PRKG1: variants seen among roughly 807,000 people sequenced by gnomAD.
PRKG1 encodes the protein cGMP-dependent protein kinase 1.
In PRKG1, 35 loss-of-function variants were observed where a neutral mutation model predicts 88.1. The observed-to-expected ratio is 0.40, with a 90% CI of 0.30 to 0.53. The LOEUF (loss-of-function observed/expected upper bound fraction) is 0.53. PRKG1 is among the 20% of genes least tolerant of loss of function. The pLI, the probability that PRKG1 is intolerant of heterozygous loss-of-function variation, is 0.59. For synonymous variants in PRKG1, 303 were observed against 292.5 expected (o/e 1.04, Z -0.37); for missense variants, 540 against 839.8 (o/e 0.64, Z 4.41).
At chr10:51,036,856 T>A (rs1666167007) in intron 1 of PRKG1, among the ~76,000 whole-genome samples, 1 of 152,210 alleles carries the variant, frequency 6.6e-6, no homozygotes. Flanking sequence ...GGGATGTTTC[T>A]AAATTATTGC....
chr10:51,967,418 GGGGAT>G (rs910900210), intron 5 of PRKG1, among the ~76,000 whole-genome samples: 1 of 152,028 alleles, frequency 6.6e-6, no homozygotes, highest in Non-Finnish European at 1.5e-5. Flanking sequence ...TTGTGGGGTG[GGGGAT>G]GGGGGAGGGA....
At chr10:51,185,142 C>T (rs1360476272) in intron 2 of PRKG1, among the ~76,000 whole-genome samples, 4 of 152,114 alleles carry the variant, frequency 2.6e-5, no homozygotes, top group African/African-American at 9.7e-5. Flanking sequence ...AGATATTTCA[C>T]AGGGTCAAGT....
At chr10:51,725,499 G>T (rs1474663256) in intron 3 of PRKG1, among the ~76,000 whole-genome samples, 1 of 151,432 alleles carries the variant, frequency 6.6e-6, no homozygotes, top group Non-Finnish European at 1.5e-5. Context: ...GCCTGTATAT[G>T]AGTCCATGCT....
chr10:51,967,091 C>T (rs1843587056), intron 5 of PRKG1, among the ~76,000 whole-genome samples: 1 of 152,138 alleles, frequency 6.6e-6, no homozygotes, highest in South Asian at 2.1e-4. Context: ...AATGTTGCTG[C>T]TATAAAGACA....
intron 2 of PRKG1, among the ~76,000 whole-genome samples, chr10:51,192,595 CT>C (rs1411712630): frequency 1.3e-5 from 2 of 151,816 alleles, no homozygotes; most frequent in Non-Finnish European, 1.5e-5. Flanking sequence ...GGAAAATAAT[CT>C]GATTAAAACA....
At chr10:51,743,737 A>AATATATATATATATATAT (rs369411662) in intron 3 of PRKG1, among the ~76,000 whole-genome samples, 16 of 40,346 alleles carry the variant, frequency 4.0e-4, no homozygotes, top group South Asian at 2.1e-3. Context: ...ATATAAACTA[A>AATATATATATATATATAT]ATATATATAT....
intron 3 of PRKG1, among the ~76,000 whole-genome samples, chr10:51,760,887 G>T (rs1424908809): frequency 6.6e-6 from 1 of 152,138 alleles, no homozygotes; most frequent in Admixed American, 6.5e-5. Context: ...GGCTGAAGCG[G>T]GTGGATCACC....
intron 5 of PRKG1, among the ~76,000 whole-genome samples, chr10:52,034,203 T>C (rs1845545934): frequency 6.6e-6 from 1 of 152,022 alleles, no homozygotes; most frequent in Non-Finnish European, 1.5e-5. Context: ...CTCAGAGGCC[T>C]GACATTCCTG....
chr10:50,993,941 G>A (rs1340404642), intron 1 of PRKG1, among the ~76,000 whole-genome samples: 1 of 152,160 alleles, frequency 6.6e-6, no homozygotes, highest in Admixed American at 6.5e-5. Context: ...TTCATGTTAG[G>A]GGTAGGAACA....
chr10:51,775,007 C>G (rs1265019705), intron 3 of PRKG1, among the ~76,000 whole-genome samples: 1 of 151,944 alleles, frequency 6.6e-6, no homozygotes, highest in African/African-American at 2.4e-5. Flanking sequence ...AGTCTTTTTA[C>G]CTTTTCTCCA....
intron 7 of PRKG1, among the ~76,000 whole-genome samples, chr10:52,082,532 C>A (rs922521864): frequency 1.2e-4 from 18 of 152,096 alleles, no homozygotes; most frequent in Non-Finnish European, 2.9e-5. Context: ...GAAAGAGATG[C>A]AAATTGTCTC....
chr10:52,260,009 T>G (rs1024573624), intron 10 of PRKG1, among the ~76,000 whole-genome samples: 3 of 152,048 alleles, frequency 2.0e-5, no homozygotes. Flanking sequence ...TACTTTTATC[T>G]GAAAATGTCT....
intron 1 of PRKG1, among the ~76,000 whole-genome samples, chr10:51,117,508 A>G (rs137965395): frequency 6.6e-6 from 1 of 152,210 alleles, no homozygotes; most frequent in East Asian, 1.9e-4. Flanking sequence ...TACGCACTTC[A>G]TGGGCATTAT....
chr10:51,262,100 A>G (rs1230321395), intron 2 of PRKG1, among the ~76,000 whole-genome samples: 2 of 151,698 alleles, frequency 1.3e-5, no homozygotes, highest in Non-Finnish European at 2.9e-5. Context: ...GTTAGCCAGG[A>G]TGGTCTCGAT....
intron 2 of PRKG1, among the ~76,000 whole-genome samples, chr10:51,326,165 A>G (rs985681544): frequency 1.3e-5 from 2 of 152,208 alleles, no homozygotes; most frequent in Non-Finnish European, 2.9e-5. Flanking sequence ...TGTTTCTATT[A>G]AAGAACTTAG....
At chr10:51,620,948 A>C (rs548850506) in intron 3 of PRKG1, among the ~76,000 whole-genome samples, 2 of 149,786 alleles carry the variant, frequency 1.3e-5, no homozygotes, top group East Asian at 4.0e-4. Context: ...AGACTTATGC[A>C]TTCAACTATT....
chr10:51,409,395 A>G (rs747789549), intron 2 of PRKG1, among the ~76,000 whole-genome samples: 10 of 152,136 alleles, frequency 6.6e-5, no homozygotes, highest in Admixed American at 3.9e-4. Flanking sequence ...GATCACATGT[A>G]TAAGATTTCC....
intron 5 of PRKG1, among the ~76,000 whole-genome samples, chr10:51,932,610 G>C (rs761144063): frequency 6.6e-6 from 1 of 152,154 alleles, no homozygotes; most frequent in Non-Finnish European, 1.5e-5. Context: ...CTTTACTAGG[G>C]ACCAAGCGTG....
At chr10:51,729,430 G>C (rs550685994) in intron 3 of PRKG1, among the ~76,000 whole-genome samples, 46 of 152,136 alleles carry the variant, frequency 3.0e-4, no homozygotes, top group African/African-American at 9.9e-4. Context: ...TCAAGAATGA[G>C]AAAAATTGAC....
Sources: gnomAD v4.1 joint callset for allele counts (sites outside exome capture counted in the v4.1 genomes callset) on GRCh38, gnomAD v4.1.1 for gene constraint, MANE v1.5 for transcripts, NCBI Gene and HGNC (gene_info 2026-07-23, HGNC 2026-07-21) for gene names.